ATXN1: variants seen among roughly 807,000 people sequenced by gnomAD.
ATXN1 encodes the protein ataxin 1.
ATXN1 carries 8 observed loss-of-function variants against 56.4 expected under a neutral mutation model. The observed-to-expected ratio is 0.14, with a 90% confidence interval of 0.08 to 0.26. The LOEUF is 0.26. Ranked by LOEUF, ATXN1 falls within the 10% of genes least tolerant of loss-of-function variation. The pLI is 1.00. For missense variants in ATXN1, 987 were observed against 1,106.5 expected (o/e 0.89, Z 1.53); for synonymous variants, 514 against 494.6 (o/e 1.04, Z -0.52).
At chr6:16,491,065 T>C (rs1480538966) in intron 5 of ATXN1, among the ~76,000 whole-genome samples, 1 of 149,554 alleles carries the variant, frequency 6.7e-6, no homozygotes, top group Non-Finnish European at 1.5e-5. Flanking sequence ...GATTTAGCCA[T>C]GCCAGAAGTT....
intron 2 of ATXN1, among the ~76,000 whole-genome samples, chr6:16,704,184 A>C (rs1244732626): frequency 6.6e-6 from 1 of 152,224 alleles, no homozygotes; most frequent in Non-Finnish European, 1.5e-5. Context: ...TAAAAATAAA[A>C]AACATGGAAT....
At chr6:16,449,604 T>C (rs994149214) in intron 6 of ATXN1, among the ~76,000 whole-genome samples, 1 of 152,200 alleles carries the variant, frequency 6.6e-6, no homozygotes. Context: ...CTATCATTGG[T>C]CCTCCAAATC....
chr6:16,714,188 CACACACACACACACA>C (rs1561819325), intron 2 of ATXN1, among the ~76,000 whole-genome samples: 21 of 124,370 alleles, frequency 1.7e-4, no homozygotes, highest in South Asian at 7.9e-4. Context: ...ACACCACACA[CACACACACACACACA>C]CACACACACA....
chr6:16,761,365 C>T lies in ATXN1; in HGVS notation c.-797G>A. ...GCAGAGGGAGAGAAACAATGTCTTG[C>T]GGCTGCTGTTGCTCTGGCTGCTGCT... On this transcript the variant is annotated 5_prime_UTR_variant, in exon 1 of 8. Transcript: ENST00000436367. The T allele has an allele frequency of 2.2e-6, 1 of 456,438 alleles. No individual in the cohort carries two copies. The highest frequency in any genetic ancestry group is 1.5e-5 in the South Asian group (1 of 64,550). 28.3% of individuals were successfully genotyped at this position (456,438 alleles called of 1,614,324 possible).
At chr6:16,630,180 C>G (rs1763480974) in intron 3 of ATXN1, among the ~76,000 whole-genome samples, 1 of 152,158 alleles carries the variant, frequency 6.6e-6, no homozygotes, top group Non-Finnish European at 1.5e-5. Flanking sequence ...CCCTTGGGTG[C>G]CCTCTTACAC....
intron 4 of ATXN1, among the ~76,000 whole-genome samples, chr6:16,538,102 G>A (rs979990043): frequency 5.3e-5 from 8 of 152,078 alleles, no homozygotes; most frequent in Non-Finnish European, 8.8e-5. Context: ...TCCTTCCACC[G>A]GCACAAGAAA....
intron 6 of ATXN1, among the ~76,000 whole-genome samples, chr6:16,343,116 G>A (rs751687166): frequency 6.6e-5 from 10 of 152,320 alleles, no homozygotes; most frequent in Middle Eastern, 3.4e-3. Context: ...AGGCTGAGGC[G>A]CGCAGATCAC....
At chr6:16,588,239 C>T (rs1458984555) in intron 3 of ATXN1, among the ~76,000 whole-genome samples, 2 of 152,174 alleles carry the variant, frequency 1.3e-5, no homozygotes, top group Non-Finnish European at 2.9e-5. Flanking sequence ...CGTCTCCCCG[C>T]GTCCACCCTG....
At chr6:16,382,869 TC>T (rs1489437610) in intron 6 of ATXN1, among the ~76,000 whole-genome samples, 1 of 137,328 alleles carries the variant, frequency 7.3e-6, no homozygotes, top group Non-Finnish European at 1.6e-5. Context: ...GGCCAAGTGT[TC>T]CTGGGAAGGC....
intron 6 of ATXN1, among the ~76,000 whole-genome samples, chr6:16,405,012 T>C (rs1421959047): frequency 6.6e-6 from 1 of 152,254 alleles, no homozygotes; most frequent in Admixed American, 6.5e-5. Flanking sequence ...TTGGGTACTT[T>C]CTCAGAAGCA....
At chr6:16,630,312 C>T (rs1581311547) in intron 3 of ATXN1, among the ~76,000 whole-genome samples, 2 of 152,214 alleles carry the variant, frequency 1.3e-5, no homozygotes, top group Admixed American at 1.3e-4. Context: ...ACTAGCCATA[C>T]CGTTGTTATG....
chr6:16,376,753 T>C (rs1383506620), intron 6 of ATXN1, among the ~76,000 whole-genome samples: 5 of 152,228 alleles, frequency 3.3e-5, no homozygotes, highest in Admixed American at 1.3e-4. Context: ...ACTTGAATAG[T>C]TGACAAACTC....
chr6:16,510,709 G>A (rs971993466), intron 5 of ATXN1, among the ~76,000 whole-genome samples: 1 of 152,160 alleles, frequency 6.6e-6, no homozygotes, highest in Non-Finnish European at 1.5e-5. Flanking sequence ...CTGCACTCCA[G>A]CCTGGGTGAC....
chr6:16,518,031 C>T (rs904161005), intron 5 of ATXN1, among the ~76,000 whole-genome samples: 8 of 152,200 alleles, frequency 5.3e-5, no homozygotes, highest in East Asian at 1.9e-4. Context: ...TCCATGAGAC[C>T]GACAAGGCTT....
intron 2 of ATXN1, among the ~76,000 whole-genome samples, chr6:16,718,841 A>G (rs1759691354): frequency 6.6e-6 from 1 of 152,256 alleles, no homozygotes; most frequent in Non-Finnish European, 1.5e-5. Context: ...ATACATGAAG[A>G]CAACCACACA....
intron 6 of ATXN1, among the ~76,000 whole-genome samples, chr6:16,402,494 G>A (rs892469772): frequency 4.1e-4 from 62 of 151,802 alleles, no homozygotes; most frequent in African/African-American, 1.4e-3. Context: ...TTAACAACAC[G>A]AACACAACCC....
chr6:16,603,436 C>T (rs1762947070), intron 3 of ATXN1, among the ~76,000 whole-genome samples: 1 of 152,174 alleles, frequency 6.6e-6, no homozygotes, highest in Non-Finnish European at 1.5e-5. Context: ...CATGGGGAGA[C>T]CTCCAACAGC....
intron 6 of ATXN1, among the ~76,000 whole-genome samples, chr6:16,453,697 T>G (rs938572592): frequency 1.3e-5 from 2 of 152,182 alleles, no homozygotes; most frequent in African/African-American, 4.8e-5. Flanking sequence ...TGCTACAGGT[T>G]GTGCATATGT....
Position 16,327,618 on chromosome 6 carries a change from C to A in ATXN1, c.693G>T (p.Pro231=). ...QQQQQHLSRA[P]GLITPGSPPP... ...GGGGGGACCCCGGGGTGATGAGCCC[C>A]GGAGCCCTGCTGAGGTGCTGCTGCT... The change falls in exon 7 of 8, where the codon CCG becomes CCT. Residue 231 remains proline (P), a synonymous_variant. Transcript: ENST00000436367. 1 of 1,587,922 alleles carries A rather than the reference C, an allele frequency of 6.3e-7. No individual in the cohort carries two copies.
Sources: gnomAD v4.1 joint callset for allele counts (sites outside exome capture counted in the v4.1 genomes callset) on GRCh38, gnomAD v4.1.1 for gene constraint, MANE v1.5 for transcripts, NCBI Gene and HGNC (gene_info 2026-07-23, HGNC 2026-07-21) for gene names.